IMMP1L: variants seen among roughly 807,000 people sequenced by gnomAD.
IMMP1L encodes the protein mitochondrial inner membrane protease subunit 1.
In IMMP1L, 24 loss-of-function variants were observed where a neutral mutation model predicts 21.8. The observed-to-expected ratio is 1.10, with a 90% CI of 0.80 to 1.55. The LOEUF (loss-of-function observed/expected upper bound fraction) is 1.55, where lower values mean the gene tolerates loss of function less well. Ranked by LOEUF, IMMP1L falls within the 40% of genes most tolerant of loss-of-function variation. The pLI, the probability that IMMP1L is intolerant of heterozygous loss-of-function variation, is 0.00. For synonymous variants in IMMP1L, 46 were observed against 62.8 expected (o/e 0.73, Z 1.26); for missense variants, 195 against 200.7 (o/e 0.97, Z 0.17).
chr11:31,454,626 T>C (rs1011261474), intron 4 of IMMP1L, among the ~76,000 whole-genome samples: 1 of 152,170 alleles, frequency 6.6e-6, no homozygotes, highest in Non-Finnish European at 1.5e-5. Flanking sequence ...ACAATTATTA[T>C]GCATCAATTA....
intron 2 of IMMP1L, among the ~76,000 whole-genome samples, chr11:31,461,728 C>T (rs1439536396): frequency 5.3e-5 from 8 of 152,050 alleles, no homozygotes; most frequent in Non-Finnish European, 8.8e-5. Flanking sequence ...TGGGTCCCAT[C>T]CCCAAAATAT....
At chr11:31,480,258 G>A (rs1458045050) in intron 1 of IMMP1L, among the ~76,000 whole-genome samples, 3 of 151,896 alleles carry the variant, frequency 2.0e-5, no homozygotes, top group Non-Finnish European at 2.9e-5. Context: ...GAGACATTTA[G>A]TATACTTCAG....
intron 1 of IMMP1L, among the ~76,000 whole-genome samples, chr11:31,484,556 C>A (rs1400551165): frequency 6.6e-6 from 1 of 151,896 alleles, no homozygotes; most frequent in East Asian, 1.9e-4. Flanking sequence ...TTTGCTACCA[C>A]ACACAAAGCT....
At chr11:31,471,014 C>T (rs1303804210) in intron 1 of IMMP1L, among the ~76,000 whole-genome samples, 1 of 152,148 alleles carries the variant, frequency 6.6e-6, no homozygotes, top group Non-Finnish European at 1.5e-5. Flanking sequence ...CGCAAAATTA[C>T]AGCTATATAG....
chr11:31,446,852 C>A (rs999806794), intron 4 of IMMP1L, among the ~76,000 whole-genome samples: 2 of 152,188 alleles, frequency 1.3e-5, no homozygotes, highest in Non-Finnish European at 2.9e-5. Flanking sequence ...TCATCTATTC[C>A]TCCAACTTAA....
chr11:31,485,656 A>C lies in IMMP1L; in HGVS notation c.-29-22351T>G, dbSNP rs536085490. On this transcript the variant is annotated intron_variant, in intron 1 of 5. Coordinates refer to ENST00000532287, the MANE Select transcript of IMMP1L (RefSeq NM_001304274.2). ...TTAGGCAAATGCGTTGATTTTAAAT[A>C]TGAGTCAAACGGAAGGCACTGACAA... 3.3e-5 allele frequency among the ~76,000 whole-genome samples: 5 copies of C among 152,060 alleles called. No individual in the cohort carries two copies. The South Asian group carries it at 1.0e-3, about 32-fold the overall frequency.
intron 1 of IMMP1L, among the ~76,000 whole-genome samples, chr11:31,497,153 T>A (rs185907528): frequency 6.6e-6 from 1 of 151,524 alleles, no homozygotes; most frequent in African/African-American, 2.4e-5. Context: ...TTTCAACTTA[T>A]GGTATTTTCA....
chr11:31,504,944 C>T (rs930718584), intron 1 of IMMP1L, among the ~76,000 whole-genome samples: 1 of 152,038 alleles, frequency 6.6e-6, no homozygotes, highest in East Asian at 1.9e-4. Flanking sequence ...AGGAAGGAGG[C>T]AAAAAAGGAA....
intron 1 of IMMP1L, among the ~76,000 whole-genome samples, chr11:31,509,124 T>C (rs1955902883): frequency 6.6e-6 from 1 of 152,206 alleles, no homozygotes; most frequent in Admixed American, 6.5e-5. Context: ...TTATCGGAAC[T>C]TGTCAGAGAG....
intron 4 of IMMP1L, chr11:31,452,465 G>A: frequency 1.0e-6 from 1 of 985,378 alleles, no homozygotes; most frequent in Non-Finnish European, 1.2e-6. Flanking sequence ...ATAGGAGAAT[G>A]CCAACTCATT....
chr11:31,444,172 A>T (rs889513824), intron 4 of IMMP1L, among the ~76,000 whole-genome samples: 11 of 152,212 alleles, frequency 7.2e-5, no homozygotes, highest in African/African-American at 2.7e-4. Flanking sequence ...AAACCTCATC[A>T]ATACAACTGA....
At chr11:31,448,020 T>TAAAGATC (rs1953593255) in intron 4 of IMMP1L, among the ~76,000 whole-genome samples, 1 of 152,106 alleles carries the variant, frequency 6.6e-6, no homozygotes. Context: ...GTAAAGACTG[T>TAAAGATC]TATAGCACCT....
At chr11:31,488,420 CA>C (rs1304643445) in intron 1 of IMMP1L, among the ~76,000 whole-genome samples, 1 of 151,900 alleles carries the variant, frequency 6.6e-6, no homozygotes, top group East Asian at 1.9e-4. Context: ...CTTAAAAAAA[CA>C]GACAATATTA....
At chr11:31,462,655 A>T (rs1954191908) in intron 2 of IMMP1L, among the ~76,000 whole-genome samples, 1 of 152,198 alleles carries the variant, frequency 6.6e-6, no homozygotes, top group African/African-American at 2.4e-5. Context: ...TTTTAATTAC[A>T]GTTATTGTGG....
intron 1 of IMMP1L, among the ~76,000 whole-genome samples, chr11:31,500,445 T>C (rs1364087750): frequency 1.3e-5 from 2 of 152,108 alleles, no homozygotes; most frequent in African/African-American, 4.8e-5. Context: ...ACATAAAATA[T>C]ATGCCTGTCT....
Position 31,432,504 on chromosome 11 carries a change from T to C in IMMP1L, c.497A>G (p.Asp166Gly), listed in dbSNP as rs1280848377. The C allele has an allele frequency of 4.4e-6, 7 of 1,608,852 alleles. No homozygotes were observed. Among genetic ancestry groups the C allele is most frequent in the Non-Finnish European group, 6.0e-6 (7 of 1,176,032 alleles). Residue 166 changes from aspartate to glycine, a missense_variant, in exon 6 of 6, where the codon GAT becomes GGT. Physicochemically the swap from Asp to Gly is moderately conservative, Grantham distance 94. Transcript: ENST00000532287. ...ASPNGHRFSD[D>G] ...AGTCAAAAGAATAAATGCTTACTAA[T>C]CATCAGAAAATCTGTGGCCATTAGG... is the stretch of plus-strand genomic sequence containing the variant.
chr11:31,442,456 T>C (rs922059953), intron 4 of IMMP1L, among the ~76,000 whole-genome samples: 3 of 152,236 alleles, frequency 2.0e-5, no homozygotes, highest in African/African-American at 7.2e-5. Flanking sequence ...ATTCATTTAT[T>C]TGATTAGGCA....
At chr11:31,496,759 G>A (rs1439912834) in intron 1 of IMMP1L, among the ~76,000 whole-genome samples, 1 of 148,184 alleles carries the variant, frequency 6.7e-6, no homozygotes, top group Non-Finnish European at 1.5e-5. Context: ...ATTTACATAT[G>A]TAATCTGATA....
At chr11:31,485,194 A>C (rs1955030769) in intron 1 of IMMP1L, among the ~76,000 whole-genome samples, 1 of 151,908 alleles carries the variant, frequency 6.6e-6, no homozygotes, top group Admixed American at 6.6e-5. Context: ...CGTAATTTCA[A>C]AGGTGATTTA....
Sources: allele counts gnomAD v4.1 joint callset (sites outside exome capture counted in the v4.1 genomes callset), GRCh38; gene constraint gnomAD v4.1.1; transcripts MANE v1.5; gene names NCBI Gene and HGNC (gene_info 2026-07-23, HGNC 2026-07-21).